The following ANKRD17 variants were observed in gnomAD, a reference collection of about 807,000 sequenced individuals.
ANKRD17 encodes ankyrin repeat domain 17.
Under a neutral mutation model 229.7 loss-of-function variants are expected in ANKRD17, and 19 were observed. The ratio of observed to expected loss-of-function variants is 0.08; its 90% CI spans 0.06 to 0.12. The LOEUF (loss-of-function observed/expected upper bound fraction) is 0.12. ANKRD17 is among the 10% of genes least tolerant of loss of function. The pLI is 1.00. For synonymous variants in ANKRD17, 1,112 were observed against 1,146.1 expected (o/e 0.97, Z 0.60); for missense variants, 2,176 against 3,176.8 (o/e 0.68, Z 7.57).
At chr4:73,211,851 A>AAC (rs1170289514) in intron 1 of ANKRD17, among the ~76,000 whole-genome samples, 1 of 151,472 alleles carries the variant, frequency 6.6e-6, no homozygotes, top group Non-Finnish European at 1.5e-5. Flanking sequence ...CTGTCTCAAA[A>AAC]AAAAAAAAAA....
At chr4:73,229,681 A>C (rs1375623637) in intron 1 of ANKRD17, among the ~76,000 whole-genome samples, 1 of 151,730 alleles carries the variant, frequency 6.6e-6, no homozygotes, top group East Asian at 1.9e-4. Flanking sequence ...GAGAAGAGAG[A>C]AGAATGGGGA....
intron 30 of ANKRD17, among the ~76,000 whole-genome samples, chr4:73,084,494 G>A (rs990926015): frequency 6.7e-6 from 1 of 149,540 alleles, no homozygotes; most frequent in African/African-American, 2.5e-5. Context: ...TGTTGCCCAG[G>A]CTGGAGTGCA....
chr4:73,223,410 C>T (rs1489988731), intron 1 of ANKRD17, among the ~76,000 whole-genome samples: 1 of 152,142 alleles, frequency 6.6e-6, no homozygotes, highest in African/African-American at 2.4e-5. Flanking sequence ...GCAATTTATC[C>T]TTAGTAAAGC....
intron 1 of ANKRD17, among the ~76,000 whole-genome samples, chr4:73,217,918 A>G (rs1313100657): frequency 1.3e-5 from 2 of 152,142 alleles, no homozygotes; most frequent in South Asian, 4.1e-4. Context: ...AACTCCAAAC[A>G]CTTCTGGTCC....
chr4:73,220,734 C>CA (rs1348406279), intron 1 of ANKRD17, among the ~76,000 whole-genome samples: 1 of 152,022 alleles, frequency 6.6e-6, no homozygotes, highest in Non-Finnish European at 1.5e-5. Flanking sequence ...TGCAAATAAG[C>CA]ATAATCTACA....
Position 73,085,422 on chromosome 4 carries a change from T to C in ANKRD17, c.6986A>G (p.Tyr2329Cys), listed in dbSNP as rs2110121900. 1.9e-6 allele frequency: 3 copies of C among 1,614,108 alleles called. No individual in the cohort carries two copies. Among genetic ancestry groups the C allele is most frequent in the Middle Eastern group, 1.7e-4 (1 of 6,060 alleles). Residue 2329 changes from tyrosine (Y) to cysteine (C), a missense_variant, in exon 30 of 34, where the codon TAT becomes TGT. Tyr to Cys is a radical substitution (Grantham distance 194). This residue lies in a region of ANKRD17 where 87 missense variants were observed against 116.0 expected (regional missense o/e 0.75). Transcript: ENST00000358602. ...TGTTGAAGAAGGTGTTACAGAACCA[T>C]ATGGCGAGTCCATATTGACAATACC... ...PSGIVNMDSP[Y>C]GSVTPSSTHL...
intron 1 of ANKRD17, among the ~76,000 whole-genome samples, chr4:73,217,527 T>A (rs1389555400): frequency 2.0e-5 from 3 of 152,112 alleles, no homozygotes; most frequent in South Asian, 4.1e-4. Flanking sequence ...TTTTTTTTTT[T>A]AATTTTTACT....
intron 25 of ANKRD17, among the ~76,000 whole-genome samples, chr4:73,099,407 C>T (rs975719260): frequency 2.6e-5 from 4 of 152,168 alleles, no homozygotes; most frequent in East Asian, 1.9e-4. Context: ...CACATACACA[C>T]GTACCCTCCT....
At chr4:73,228,234 T>C (rs7657840) in intron 1 of ANKRD17, among the ~76,000 whole-genome samples, 9,216 of 152,218 alleles carry the variant, frequency 0.061, 969 homozygotes, top group African/African-American at 0.21. Flanking sequence ...GTTAAAAGGC[T>C]AATACGATTT....
intron 29 of ANKRD17, among the ~76,000 whole-genome samples, chr4:73,087,614 G>T (rs1488196012): frequency 6.6e-6 from 1 of 152,086 alleles, no homozygotes. Context: ...ATTGAGTCTT[G>T]GATCAAATGG....
intron 10 of ANKRD17, 74 bp from the exon 11 acceptor site, chr4:73,144,906 A>T (rs1730064030): frequency 1.9e-6 from 2 of 1,079,334 alleles, no homozygotes; most frequent in East Asian, 4.9e-5. Flanking sequence ...GGAAATCAAA[A>T]GGAAAATAAT....
intron 17 of ANKRD17, 37 bp downstream of exon 17, chr4:73,125,164 C>T (rs371766641): frequency 6.3e-7 from 1 of 1,587,802 alleles, no homozygotes; most frequent in Non-Finnish European, 8.6e-7. Context: ...AATTTTTTGA[C>T]CAGTATTCCA....
At chr4:73,155,101 T>C (rs1390535172) in intron 5 of ANKRD17, among the ~76,000 whole-genome samples, 1 of 151,664 alleles carries the variant, frequency 6.6e-6, no homozygotes, top group Non-Finnish European at 1.5e-5. Context: ...ATGCACAAAA[T>C]ATTTCCATGA....
At chr4:73,217,693 C>A (rs1309399177) in intron 1 of ANKRD17, among the ~76,000 whole-genome samples, 1 of 152,098 alleles carries the variant, frequency 6.6e-6, no homozygotes, top group Non-Finnish European at 1.5e-5. Context: ...TGAGCACTGA[C>A]ATAATGCCAC....
intron 13 of ANKRD17, 82 bp from the exon 14 acceptor site, chr4:73,141,925 G>C: frequency 1.8e-6 from 2 of 1,089,362 alleles, no homozygotes; most frequent in South Asian, 1.7e-5. Context: ...ATAAATTAGA[G>C]ATTTTTTGAC....
At chr4:73,077,223 T>C (rs575228960) in intron 32 of ANKRD17, 119 bp from the exon 33 acceptor site, 3 of 1,311,936 alleles carry the variant, frequency 2.3e-6, no homozygotes, top group Admixed American at 3.0e-5. Flanking sequence ...GTGTAACTTA[T>C]CTAAGAAATC....
intron 5 of ANKRD17, among the ~76,000 whole-genome samples, chr4:73,154,563 C>T (rs1277777508): frequency 6.6e-6 from 1 of 152,052 alleles, no homozygotes; most frequent in Non-Finnish European, 1.5e-5. Context: ...TATATGTTTT[C>T]ATTACAACTT....
chr4:73,125,879 G>T (rs1338665158), intron 16 of ANKRD17, among the ~76,000 whole-genome samples: 1 of 152,052 alleles, frequency 6.6e-6, no homozygotes, highest in Non-Finnish European at 1.5e-5. Context: ...GAAATACTGT[G>T]GATTAACTTT....
chr4:73,106,955 A>G (rs2148631261), intron 24 of ANKRD17, among the ~76,000 whole-genome samples: 1 of 151,974 alleles, frequency 6.6e-6, no homozygotes, highest in Non-Finnish European at 1.5e-5. Context: ...AAGACAAAAG[A>G]TAAGAGAGAG....
Sources: allele counts gnomAD v4.1 joint callset (sites outside exome capture counted in the v4.1 genomes callset), GRCh38; gene constraint gnomAD v4.1.1; regional missense constraint gnomAD v4.1.1; transcripts MANE v1.5; gene names NCBI Gene and HGNC (gene_info 2026-07-23, HGNC 2026-07-21).